Variants in CHST8 observed in about 807,000 individuals in gnomAD.
The protein encoded by CHST8 is GALNAC-4-ST1.
In CHST8, 10 loss-of-function variants were observed where a neutral mutation model predicts 15.0. The ratio of observed to expected loss-of-function variants is 0.67; its 90% confidence interval spans 0.41 to 1.13. The LOEUF (loss-of-function observed/expected upper bound fraction) is 1.13, where lower values mean the gene tolerates loss of function less well. CHST8 is among the 50% of genes most tolerant of loss of function. The pLI is 0.00. For missense variants in CHST8, 634 were observed against 608.2 expected, an observed-to-expected ratio of 1.04 and a Z score of -0.45; for synonymous variants, 259 against 256.6, an observed-to-expected ratio of 1.01 and a Z score of -0.09.
intron 3 of CHST8, among the ~76,000 whole-genome samples, chr19:33,769,344 G>T (rs923545239): frequency 6.6e-6 from 1 of 152,188 alleles, no homozygotes; most frequent in Non-Finnish European, 1.5e-5. Context: ...TATAAGCACC[G>T]TCACACCTTG....
chr19:33,638,674 G>A (rs1600229383), intron 1 of CHST8, among the ~76,000 whole-genome samples: 2 of 152,262 alleles, frequency 1.3e-5, no homozygotes, highest in African/African-American at 4.8e-5. Flanking sequence ...GTCGGAAAGG[G>A]AGTTAAGGCT....
chr19:33,756,868 G>A (rs117348772), intron 3 of CHST8, among the ~76,000 whole-genome samples: 3,233 of 152,322 alleles, frequency 0.021, 55 homozygotes, highest in East Asian at 0.027. Flanking sequence ...CCTGCAGTCA[G>A]CACCCCAGGG....
intron 3 of CHST8, among the ~76,000 whole-genome samples, chr19:33,737,029 T>C (rs187585024): frequency 6.6e-6 from 1 of 152,148 alleles, no homozygotes; most frequent in East Asian, 1.9e-4. Context: ...ACCAGCACCA[T>C]GACAGTTTAC....
chr19:33,647,841 G>A (rs1036413501), intron 1 of CHST8, among the ~76,000 whole-genome samples: 4 of 146,890 alleles, frequency 2.7e-5, no homozygotes, highest in Non-Finnish European at 4.5e-5. Context: ...GTGATGCTCC[G>A]TTTCAAAATA....
intron 3 of CHST8, among the ~76,000 whole-genome samples, chr19:33,768,263 C>A (rs759206871): frequency 6.6e-6 from 1 of 152,062 alleles, no homozygotes; most frequent in African/African-American, 2.4e-5. Flanking sequence ...TCCTTCATTA[C>A]GTTTCTTCTT....
chr19:33,757,555 A>G (rs1343804911), intron 3 of CHST8, among the ~76,000 whole-genome samples: 7 of 131,480 alleles, frequency 5.3e-5, no homozygotes, highest in East Asian at 2.2e-4. Context: ...AAAGAAAGAA[A>G]GAAAGAAAGA....
At chr19:33,677,635 G>A (rs1018252619) in intron 2 of CHST8, among the ~76,000 whole-genome samples, 1 of 152,162 alleles carries the variant, frequency 6.6e-6, no homozygotes, top group African/African-American at 2.4e-5. Context: ...TCCACCAGGG[G>A]CCTACTTACT....
At chr19:33,756,393 T>C (rs779604582) in intron 3 of CHST8, among the ~76,000 whole-genome samples, 18 of 152,206 alleles carry the variant, frequency 1.2e-4, no homozygotes, top group Admixed American at 4.6e-4. Context: ...ATCTGGCTAA[T>C]GGACAGTTTC....
At chr19:33,714,499 G>A (rs1393832670) in intron 3 of CHST8, among the ~76,000 whole-genome samples, 4 of 152,064 alleles carry the variant, frequency 2.6e-5, no homozygotes, top group African/African-American at 4.8e-5. Context: ...TCAAAGGTGG[G>A]AGGATAAGAG....
chr19:33,742,256 A>T (rs1256060802), intron 3 of CHST8, among the ~76,000 whole-genome samples: 1 of 152,114 alleles, frequency 6.6e-6, no homozygotes, highest in Non-Finnish European at 1.5e-5. Context: ...AACTGGGTGT[A>T]TTAGTTTGCA....
At chr19:33,632,795 G>A (rs1972139456) in intron 1 of CHST8, among the ~76,000 whole-genome samples, 1 of 151,810 alleles carries the variant, frequency 6.6e-6, no homozygotes, top group African/African-American at 2.4e-5. Flanking sequence ...TTGAGATACA[G>A]TCTCACTCTA....
intron 3 of CHST8, among the ~76,000 whole-genome samples, chr19:33,715,003 G>T (rs1472075721): frequency 6.6e-6 from 1 of 152,146 alleles, no homozygotes; most frequent in Non-Finnish European, 1.5e-5. Flanking sequence ...CACAGGCTCT[G>T]TCCCAGCACC....
intron 1 of CHST8, among the ~76,000 whole-genome samples, chr19:33,624,942 T>A (rs1008447042): frequency 4.6e-5 from 7 of 152,178 alleles, no homozygotes; most frequent in Non-Finnish European, 5.9e-5. Flanking sequence ...GAGATCCCTG[T>A]CTTAGCTACA....
At chr19:33,683,390 C>T (rs1233864608) in intron 2 of CHST8, among the ~76,000 whole-genome samples, 2 of 152,194 alleles carry the variant, frequency 1.3e-5, no homozygotes, top group African/African-American at 4.8e-5. Flanking sequence ...TGAAATCTGT[C>T]ATACTGACAT....
chr19:33,635,244 T>A (rs1202261972), intron 1 of CHST8, among the ~76,000 whole-genome samples: 5 of 152,172 alleles, frequency 3.3e-5, no homozygotes, highest in African/African-American at 1.2e-4. Context: ...CCTCAGCGTT[T>A]TCATGAAGAC....
chr19:33,696,075 C>T (rs1384305665), intron 3 of CHST8, among the ~76,000 whole-genome samples: 1 of 152,108 alleles, frequency 6.6e-6, no homozygotes, highest in African/African-American at 2.4e-5. Context: ...ATCCCCCCAC[C>T]TCAGCCTCCC....
chr19:33,720,840 C>T (rs1008453245), intron 3 of CHST8, among the ~76,000 whole-genome samples: 1 of 152,254 alleles, frequency 6.6e-6, no homozygotes, highest in African/African-American at 2.4e-5. Flanking sequence ...GGAGCTGGGG[C>T]CAGTTCAGGG....
chr19:33,688,339 A>T (rs908573749), intron 2 of CHST8, among the ~76,000 whole-genome samples: 1 of 152,174 alleles, frequency 6.6e-6, no homozygotes, highest in Non-Finnish European at 1.5e-5. Flanking sequence ...GTAAGGGGTG[A>T]GTCACATGGG....
rs140880569 is a variant in CHST8 at position 33,698,522 on chromosome 19, G to T, written c.130+9131G>T. On this transcript the variant is annotated intron_variant, in intron 3 of 4. Coordinates refer to ENST00000650847, the MANE Select transcript of CHST8 (RefSeq NM_001127895.2). Reference sequence around the variant, plus strand: ...GAGATTGGGGGCAGCCAAGGATATCGCATGCAGTGTTGGAGACCTTTCAAA... The same window carrying T: ...GAGATTGGGGGCAGCCAAGGATATCTCATGCAGTGTTGGAGACCTTTCAAA... Among the ~76,000 whole-genome samples the T allele has an allele frequency of 1.2e-3, 180 of 152,206 alleles. 2 individuals are homozygous for T. In the South Asian group the frequency reaches 0.014, roughly 12 times the overall value.
Sources: gnomAD v4.1 joint callset for allele counts (sites outside exome capture counted in the v4.1 genomes callset) on GRCh38, gnomAD v4.1.1 for gene constraint, MANE v1.5 for transcripts, NCBI Gene and HGNC (gene_info 2026-07-23, HGNC 2026-07-21) for gene names.